The following MYH11 variants were observed in gnomAD, a reference collection of about 807,000 sequenced individuals.
MYH11 encodes myosin-11.
In MYH11, 80 loss-of-function variants were observed where a neutral mutation model predicts 246.6. That is an observed-to-expected ratio of 0.32 (90% CI 0.27 to 0.39). The LOEUF is 0.39. MYH11 is among the 10% of genes least tolerant of loss of function. The probability of loss-of-function intolerance (pLI) is 1.00; values close to 1 mark genes in which losing one functional copy is unlikely to be tolerated. For missense variants in MYH11, 2,158 were observed against 2,546.8 expected, an observed-to-expected ratio of 0.85 and a Z score of 3.29; for synonymous variants, 1,071 against 1,015.5, an observed-to-expected ratio of 1.05 and a Z score of -1.04.
intron 37 of MYH11, chr16:15,717,777 CAG>C: frequency 3.7e-6 from 1 of 273,828 alleles, no homozygotes; most frequent in Non-Finnish European, 7.1e-6. Context: ...GCCTGGGCCA[CAG>C]AGAGACCCTG....
intron 20 of MYH11, among the ~76,000 whole-genome samples, chr16:15,744,771 G>A (rs866135205): frequency 5.9e-5 from 9 of 152,240 alleles, no homozygotes; most frequent in Non-Finnish European, 1.0e-4. Context: ...CCAAAGTGCT[G>A]GGATTACAGG....
intron 14 of MYH11, among the ~76,000 whole-genome samples, chr16:15,754,132 G>A (rs1409315808): frequency 3.3e-5 from 5 of 152,008 alleles, no homozygotes; most frequent in East Asian, 3.9e-4. Context: ...CAGGAGAATC[G>A]CTTCAGCCTG....
chr16:15,848,327 G>C (rs749925981), intron 1 of MYH11, among the ~76,000 whole-genome samples: 2 of 148,854 alleles, frequency 1.3e-5, no homozygotes, highest in Non-Finnish European at 1.5e-5. Context: ...CCACGTTTCT[G>C]GGTTCAAGTG....
At position 15,721,655 on chromosome 16, in the gene MYH11, G is replaced by A. The variant is rs201310935; in HGVS notation, c.4366-21C>T. ...AACAACTACAACACAAGACCCAGAG[G>A]TGACTTCTAGGCATATCCGGGGTCA... is the stretch of plus-strand genomic sequence containing the variant. On this transcript the variant is annotated intron_variant, in intron 31 of 40. Coordinates refer to ENST00000300036, the MANE Select transcript of MYH11 (RefSeq NM_002474.3). 44 of 1,613,192 alleles carry A rather than the reference G, an allele frequency of 2.7e-5. No individual in the cohort carries two copies. The East Asian group carries it at 8.2e-4, about 30-fold the overall frequency.
chr16:15,853,252 C>T (rs1236827126), intron 1 of MYH11, among the ~76,000 whole-genome samples: 1 of 152,086 alleles, frequency 6.6e-6, no homozygotes, highest in East Asian at 1.9e-4. Context: ...CTCAAGCAAT[C>T]CTCCTGCCTC....
intron 12 of MYH11, among the ~76,000 whole-genome samples, chr16:15,758,491 G>A (rs1171446907): frequency 2.0e-5 from 3 of 151,912 alleles, no homozygotes; most frequent in Admixed American, 6.6e-5. Flanking sequence ...CAAGCATAGC[G>A]AAACCTCTCT....
In MYH11 at chr16:15,725,822, A is replaced by G. The variant is rs564847648; in HGVS notation, c.3859-830T>C. 3.4e-4 allele frequency: 134 copies of G among 397,532 alleles called. 1 individual carries two copies. In the South Asian group the frequency reaches 7.3e-3, roughly 22 times the overall value. The allele number at this position is 397,532 out of a possible 1,614,324, so 24.6% of individuals were successfully genotyped here. On this transcript the variant is annotated intron_variant, in intron 28 of 40. Coordinates refer to ENST00000300036, the MANE Select transcript of MYH11 (RefSeq NM_002474.3). ...AAAGAAGACCAAAGACAAAAAGACCATGTCATTCAGCAGCTTAAAACCCCT... is the reference window on the plus strand; with the variant it reads ...AAAGAAGACCAAAGACAAAAAGACCGTGTCATTCAGCAGCTTAAAACCCCT...
At position 15,760,549 on chromosome 16, in the gene MYH11, T is replaced by C. The variant is rs780937971; in HGVS notation, c.1239A>G (p.Thr413=). ...ATAAGTACATCATTACCTGTTCTTT[T>C]GTCTGAGCTTTCTGTACCACATCTC... ...VGRDVVQKAQ[T]KEQADFAVEA... is the part of the protein sequence containing the mutation. Residue 413 remains threonine (T), a synonymous_variant, in exon 11 of 41, where the codon ACA becomes ACG. Transcript: ENST00000300036. 6.2e-6 allele frequency: 10 copies of C among 1,608,856 alleles called. No individual in the cohort carries two copies. The African/African-American group carries it at 1.1e-4, about 17-fold the overall frequency.
intron 26 of MYH11, among the ~76,000 whole-genome samples, chr16:15,733,855 T>C (rs2041038983): frequency 6.6e-6 from 1 of 152,204 alleles, no homozygotes; most frequent in Admixed American, 6.6e-5. Flanking sequence ...TGCACTGGGC[T>C]CTTCTGTATC....
intron 2 of MYH11, among the ~76,000 whole-genome samples, chr16:15,834,120 C>T (rs1048189660): frequency 6.6e-6 from 1 of 152,028 alleles, no homozygotes; most frequent in African/African-American, 2.4e-5. Flanking sequence ...GATGAATACA[C>T]AGGCCTGTCC....
At chr16:15,713,919 A>C (rs770062417) in intron 40 of MYH11, 13 of 152,430 alleles carry the variant, frequency 8.5e-5, no homozygotes, top group Non-Finnish European at 1.8e-4. Flanking sequence ...GATGGCATTA[A>C]TGGAGTGAAG....
At chr16:15,778,923 G>A (rs2042285674) in intron 6 of MYH11, 80 bp from the exon 7 acceptor site, 1 of 1,327,264 alleles carries the variant, frequency 7.5e-7, no homozygotes, top group South Asian at 1.2e-5. Flanking sequence ...GCAGGAGGCA[G>A]ATGGTACAGA....
chr16:15,740,621 A>AT (rs1198671676), intron 22 of MYH11, among the ~76,000 whole-genome samples: 1 of 151,894 alleles, frequency 6.6e-6, no homozygotes, highest in African/African-American at 2.4e-5. Flanking sequence ...AAAAAAAAAA[A>AT]AAAAATAAAG....
At chr16:15,740,391 T>C (rs2041239689) in intron 22 of MYH11, among the ~76,000 whole-genome samples, 1 of 151,874 alleles carries the variant, frequency 6.6e-6, no homozygotes, top group Admixed American at 6.6e-5. Context: ...GTGGATCACT[T>C]GAGGTCAGGA....
intron 2 of MYH11, among the ~76,000 whole-genome samples, chr16:15,830,058 T>A (rs1439385656): frequency 1.3e-5 from 2 of 151,894 alleles, no homozygotes; most frequent in Non-Finnish European, 2.9e-5. Flanking sequence ...CTGCTTGAAC[T>A]CAGGTGGCAG....
In MYH11 at chr16:15,720,302, T is replaced by C; in HGVS notation, c.4802A>G (p.Tyr1601Cys). The C allele has an allele frequency of 1.2e-6, 2 of 1,614,032 alleles. No individual in the cohort carries two copies. The highest frequency in any genetic ancestry group is 1.7e-5 in the Admixed American group (1 of 60,010). Residue 1601 changes from tyrosine (Y) to cysteine (C), a missense_variant, in exon 34 of 41, where the codon TAT (tyrosine) becomes TGT (cysteine). Around this residue, in one of 11 missense-constraint regions of MYH11, gnomAD observed 1,013 missense variants for 993.5 expected, o/e 1.02. Coordinates refer to ENST00000300036, the MANE Select transcript of MYH11 (RefSeq NM_002474.3). ...TCGCTCGTCTTCCAGTTCCGTCTCA[T>C]ACTCGTGAAGCTGGGCGAGGAATAG... is the stretch of plus-strand genomic sequence containing the variant. ...RRQLQRQLHEYETELEDERKQ... is the reference protein window; with the variant it reads ...RRQLQRQLHECETELEDERKQ...
At chr16:15,796,161 G>A (rs1253076197) in intron 4 of MYH11, among the ~76,000 whole-genome samples, 3 of 152,272 alleles carry the variant, frequency 2.0e-5, no homozygotes, top group South Asian at 2.1e-4. Flanking sequence ...GCATCATACC[G>A]TCCAAGGCAG....
intron 5 of MYH11, among the ~76,000 whole-genome samples, chr16:15,783,951 G>C (rs1028631009): frequency 1.3e-5 from 2 of 152,168 alleles, no homozygotes; most frequent in African/African-American, 4.8e-5. Context: ...ATCTTTTCGG[G>C]AGCCAAGGAA....
chr16:15,731,009 A>C (rs1043615117), intron 27 of MYH11, among the ~76,000 whole-genome samples: 24 of 151,956 alleles, frequency 1.6e-4, no homozygotes, highest in African/African-American at 5.3e-4. Context: ...TTTTTTTACA[A>C]AAGAAAAATC....
Sources: allele counts gnomAD v4.1 joint callset (sites outside exome capture counted in the v4.1 genomes callset), GRCh38; gene constraint gnomAD v4.1.1; regional missense constraint gnomAD v4.1.1; transcripts MANE v1.5; gene names NCBI Gene and HGNC (gene_info 2026-07-23, HGNC 2026-07-21).